ANKRD13C: variants seen among roughly 807,000 people sequenced by gnomAD.
ANKRD13C encodes ankyrin repeat domain-containing protein 13C.
In ANKRD13C, 16 loss-of-function variants were observed where a neutral mutation model predicts 65.5. The observed-to-expected ratio is 0.24, with a 90% CI of 0.17 to 0.37. The LOEUF is 0.37. Ranked by LOEUF, ANKRD13C falls within the 10% of genes least tolerant of loss-of-function variation. ANKRD13C has a pLI of 1.00. For missense variants in ANKRD13C, 503 were observed against 655.9 expected (o/e 0.77, Z 2.55); for synonymous variants, 235 against 238.7 (o/e 0.98, Z 0.14).
At chr1:70,290,383 G>A (rs1679810337) in intron 9 of ANKRD13C, among the ~76,000 whole-genome samples, 1 of 152,136 alleles carries the variant, frequency 6.6e-6, no homozygotes. Flanking sequence ...GTAGTATGTA[G>A]TAGCCTTTTA....
intron 3 of ANKRD13C, among the ~76,000 whole-genome samples, chr1:70,317,295 G>A (rs964927117): frequency 4.6e-5 from 7 of 152,018 alleles, no homozygotes; most frequent in African/African-American, 7.2e-5. Flanking sequence ...TTACTAGCTC[G>A]GTGACCTAAA....
At position 70,354,714 on chromosome 1, in the gene ANKRD13C, C is replaced by T. The variant is rs1286337622; in HGVS notation, c.-306G>A. ...CGAAAAACAGGGCACGGCCATCTTC[C>T]TCTTGCTCCTCTCGCGAGAGCTCCC... On this transcript the variant is annotated 5_prime_UTR_variant, in exon 1 of 13. Transcript: ENST00000370944. The T allele has an allele frequency of 4.1e-6, 3 of 730,666 alleles. No individual in the cohort carries two copies. The African/African-American group carries it at 5.3e-5, about 13-fold the overall frequency. The allele number at this position is 730,666 out of a possible 1,614,324, so 45.3% of individuals were successfully genotyped here. A position where few individuals can be genotyped will look rare whatever the true frequency, so the allele number is the denominator to read the frequency against.
intron 5 of ANKRD13C, among the ~76,000 whole-genome samples, chr1:70,308,208 T>C (rs1680669282): frequency 6.6e-6 from 1 of 151,972 alleles, no homozygotes; most frequent in Non-Finnish European, 1.5e-5. Context: ...ATTGGCCAGG[T>C]TGGTCTTGAA....
intron 9 of ANKRD13C, among the ~76,000 whole-genome samples, chr1:70,281,396 C>CTTTTTT (rs71583111): frequency 9.4e-5 from 8 of 85,338 alleles, no homozygotes; most frequent in South Asian, 4.6e-4. Flanking sequence ...TGACTAAATT[C>CTTTTTT]TTTTTTTTTT....
chr1:70,275,708 T>C (rs1031236700), intron 10 of ANKRD13C, among the ~76,000 whole-genome samples: 5 of 152,064 alleles, frequency 3.3e-5, no homozygotes, highest in Non-Finnish European at 1.5e-5. Flanking sequence ...ATAGCTGTAA[T>C]CCCAGCATTT....
chr1:70,334,966 T>C (rs1420132451), intron 2 of ANKRD13C, among the ~76,000 whole-genome samples: 3 of 152,068 alleles, frequency 2.0e-5, no homozygotes, highest in Non-Finnish European at 4.4e-5. Flanking sequence ...CCTAGGCCCA[T>C]ACATTCAGAT....
intron 8 of ANKRD13C, among the ~76,000 whole-genome samples, chr1:70,295,194 A>T (rs894106704): frequency 5.9e-5 from 9 of 152,206 alleles, no homozygotes; most frequent in Non-Finnish European, 1.0e-4. Flanking sequence ...TAAATTTAAA[A>T]TTTTATAAAC....
chr1:70,353,843 T>G, intron 1 of ANKRD13C, 136 bp downstream of exon 1: 2 of 1,229,480 alleles, frequency 1.6e-6, no homozygotes, highest in Non-Finnish European at 2.2e-6. Flanking sequence ...ACTGAGTCGA[T>G]CATGATTTAC....
intron 2 of ANKRD13C, among the ~76,000 whole-genome samples, chr1:70,328,460 C>T (rs1469931800): frequency 6.6e-6 from 1 of 152,066 alleles, no homozygotes; most frequent in Non-Finnish European, 1.5e-5. Context: ...GTCGGGAGTT[C>T]AAGACCAGCC....
intron 3 of ANKRD13C, among the ~76,000 whole-genome samples, chr1:70,318,736 G>T (rs1478426103): frequency 7.8e-6 from 1 of 128,090 alleles, no homozygotes; most frequent in African/African-American, 3.0e-5. Flanking sequence ...AGGCTGGAAT[G>T]CAGCGGCGCA....
intron 12 of ANKRD13C, 96 bp from the exon 13 acceptor site, chr1:70,262,943 TA>T (rs34241203): frequency 0.18 from 80,578 of 457,456 alleles, 28 homozygotes; most frequent in East Asian, 0.24. Context: ...CCTTAAAATG[TA>T]AAAAAAAAAA....
chr1:70,337,773 C>G (rs528809146), intron 1 of ANKRD13C, among the ~76,000 whole-genome samples: 1 of 151,928 alleles, frequency 6.6e-6, no homozygotes, highest in Non-Finnish European at 1.5e-5. Flanking sequence ...TCCATTGGTA[C>G]TTAGTACTTT....
Position 70,354,646 on chromosome 1 carries a change from G to C in ANKRD13C, c.-238C>G. On this transcript the variant is annotated 5_prime_UTR_variant, in exon 1 of 13. Coordinates refer to ENST00000370944, the MANE Select transcript of ANKRD13C (RefSeq NM_030816.5). ...TAGAACTCAGGTGCCCACGACACCA[G>C]GATCTCAGTCTCGCCGTCGCAGCCG... The C allele has an allele frequency of 1.0e-6, 1 of 993,234 alleles. No individual in the cohort carries two copies. The highest frequency in any genetic ancestry group is 1.8e-5 in the South Asian group (1 of 56,902). The allele number at this position is 993,234 out of a possible 1,614,324, so 61.5% of individuals were successfully genotyped here.
chr1:70,315,454 CA>C, intron 4 of ANKRD13C, 26 bp downstream of exon 4: 1 of 1,566,718 alleles, frequency 6.4e-7, no homozygotes, highest in Non-Finnish European at 8.7e-7. Flanking sequence ...TTCCAAGGTG[CA>C]AAATTAACAA....
At chr1:70,327,681 T>C (rs918807046) in intron 2 of ANKRD13C, among the ~76,000 whole-genome samples, 1 of 152,190 alleles carries the variant, frequency 6.6e-6, no homozygotes, top group Admixed American at 6.5e-5. Flanking sequence ...TGAAGGAGAA[T>C]ATCTGTATTC....
At chr1:70,315,303 CTG>C (rs1436041975) in intron 4 of ANKRD13C, among the ~76,000 whole-genome samples, 176 bp downstream of exon 4, 1 of 152,000 alleles carries the variant, frequency 6.6e-6, no homozygotes, top group Admixed American at 6.6e-5. Context: ...CTAGTTCAAA[CTG>C]AGGTGCTTCT....
At chr1:70,272,653 T>C (rs1678944763) in intron 11 of ANKRD13C, among the ~76,000 whole-genome samples, 1 of 152,110 alleles carries the variant, frequency 6.6e-6, no homozygotes. Context: ...GTCTTAATAT[T>C]AGCTGCAGTT....
At chr1:70,326,012 A>G (rs1011261501) in intron 2 of ANKRD13C, among the ~76,000 whole-genome samples, 38 of 152,096 alleles carry the variant, frequency 2.5e-4, no homozygotes, top group African/African-American at 8.0e-4. Flanking sequence ...TGGGCCGATC[A>G]CCTGAGGTCG....
chr1:70,318,903 G>C (rs866898538), intron 3 of ANKRD13C, among the ~76,000 whole-genome samples: 2 of 151,894 alleles, frequency 1.3e-5, no homozygotes, highest in Non-Finnish European at 2.9e-5. Flanking sequence ...GGATGGTCTC[G>C]ATCTCTTGAC....
Sources: gnomAD v4.1 joint callset for allele counts (sites outside exome capture counted in the v4.1 genomes callset) on GRCh38, gnomAD v4.1.1 for gene constraint, MANE v1.5 for transcripts, NCBI Gene and HGNC (gene_info 2026-07-23, HGNC 2026-07-21) for gene names.